The following PIR variants were observed in gnomAD, a reference collection of about 807,000 sequenced individuals.
PIR encodes the protein pirin (iron-binding nuclear protein).
Under a neutral mutation model 24.2 loss-of-function variants are expected in PIR, and 22 were observed. The ratio of observed to expected loss-of-function variants is 0.91; its 90% confidence interval spans 0.65 to 1.30. The LOEUF (loss-of-function observed/expected upper bound fraction) is 1.30, where lower values mean the gene tolerates loss of function less well. Ranked by LOEUF, PIR falls within the 50% of genes most tolerant of loss-of-function variation. The pLI is 0.00. For missense variants in PIR, 220 were observed against 220.3 expected, an observed-to-expected ratio of 1.00 and a Z score of 0.01; for synonymous variants, 80 against 79.6, an observed-to-expected ratio of 1.00 and a Z score of -0.03.
At chrX:15,420,084 G>A (rs1925075481) in intron 6 of PIR, among the ~76,000 whole-genome samples, 1 of 101,823 alleles carries the variant, frequency 9.8e-6, no homozygotes, top group Non-Finnish European at 2.0e-5. Context: ...GTAGTCTCAG[G>A]TACTCGGGAG....
In PIR at chrX:15,411,274, A is replaced by G. The variant is rs184665224; in HGVS notation, c.566-3724T>C. Among the ~76,000 whole-genome samples the G allele has an allele frequency of 8.1e-3, 900 of 111,574 alleles. 4 individuals are homozygous for G. The highest frequency in any genetic ancestry group is 0.014 in the Non-Finnish European group (736 of 53,051). Reference sequence around the variant, plus strand: ...ACAGTTAAGTCAGCAACGCATTTTAAGTCAGACCTCCTTTAGCCAAACATT... The same window carrying G: ...ACAGTTAAGTCAGCAACGCATTTTAGGTCAGACCTCCTTTAGCCAAACATT... On this transcript the variant is annotated intron_variant, in intron 6 of 9. Coordinates refer to ENST00000380420, the MANE Select transcript of PIR (RefSeq NM_001018109.3).
intron 5 of PIR, 46 bp from the exon 6 acceptor site, chrX:15,426,036 G>GT (rs779692852): frequency 3.2e-5 from 27 of 848,434 alleles, no homozygotes; most frequent in Non-Finnish European, 4.2e-5. Context: ...TAAGAATAAG[G>GT]TTCTTCTTTC....
At chrX:15,385,190 T>C (rs1325519861) in intron 9 of PIR, 74 bp from the exon 10 acceptor site, 1 of 490,732 alleles carries the variant, frequency 2.0e-6, no homozygotes, top group Non-Finnish European at 3.4e-6. Context: ...GATATATATT[T>C]CTGTAGTTCT....
At chrX:15,426,830 C>T (rs1925332652) in intron 5 of PIR, among the ~76,000 whole-genome samples, 1 of 111,712 alleles carries the variant, frequency 9.0e-6, no homozygotes, top group South Asian at 3.8e-4. Flanking sequence ...AGCTGCTTGG[C>T]CATGTGTAGC....
intron 6 of PIR, among the ~76,000 whole-genome samples, chrX:15,414,861 T>C (rs1924863049): frequency 9.0e-6 from 1 of 111,583 alleles, no homozygotes; most frequent in African/African-American, 3.3e-5. Context: ...AATACACCCC[T>C]GCCAAAATTG....
intron 3 of PIR, among the ~76,000 whole-genome samples, chrX:15,471,095 T>A (rs1921889954): frequency 8.9e-6 from 1 of 112,293 alleles, no homozygotes; most frequent in African/African-American, 3.2e-5. Context: ...CTCCCTCATG[T>A]GACCTACGCT....
intron 4 of PIR, among the ~76,000 whole-genome samples, chrX:15,458,161 T>C (rs746196004): frequency 1.6e-3 from 180 of 112,202 alleles, no homozygotes; most frequent in African/African-American, 5.6e-3. Flanking sequence ...TTGGTTATCC[T>C]TTTTAGATAT....
chrX:15,471,316 C>A (rs1189248054), intron 3 of PIR, among the ~76,000 whole-genome samples: 1 of 111,977 alleles, frequency 8.9e-6, no homozygotes, highest in African/African-American at 3.3e-5. Context: ...CCCAGATGGA[C>A]AAATCACCTC....
chrX:15,471,402 G>A (rs1159815516), intron 3 of PIR, among the ~76,000 whole-genome samples: 1 of 111,939 alleles, frequency 8.9e-6, no homozygotes, highest in African/African-American at 3.3e-5. Context: ...TTATTTTAAC[G>A]TGATTGTGTT....
intron 4 of PIR, among the ~76,000 whole-genome samples, chrX:15,459,227 G>A (rs1226211210): frequency 4.5e-5 from 5 of 111,961 alleles, no homozygotes; most frequent in Non-Finnish European, 9.4e-5. Context: ...ATGCAGCAGA[G>A]AGGTCTAGAA....
chrX:15,475,649 C>T (rs956386653), intron 3 of PIR, among the ~76,000 whole-genome samples: 2 of 112,102 alleles, frequency 1.8e-5, no homozygotes, highest in African/African-American at 6.5e-5. Context: ...CCTCCTTTTT[C>T]GAGCTAAACT....
In PIR at chrX:15,385,008, T is replaced by A; in HGVS notation, c.869A>T (p.Asn290Ile). The A allele has an allele frequency of 8.9e-7, 1 of 1,124,095 alleles. No homozygotes were observed. Among genetic ancestry groups the A allele is most frequent in the Non-Finnish European group, 1.2e-6 (1 of 816,323 alleles). 92.6% of individuals were successfully genotyped at this position (1,124,095 alleles called of 1,213,427 possible). A position where few individuals can be genotyped will look rare whatever the true frequency, so the allele number is the denominator to read the frequency against. The change falls in exon 10 of 10, where the codon AAC (asparagine) becomes ATC (isoleucine). Residue 290 changes from asparagine (N) to isoleucine (I), a missense_variant. Transcript: ENST00000380420. ...GACCTGCTCTTCCGCTTTCCACTAG[T>A]TCCCAATCTTTGATTTCCAGGTTTT... ...RAKTWKSKIG[N>I]
intron 7 of PIR, among the ~76,000 whole-genome samples, chrX:15,399,672 T>C (rs1211960382): frequency 1.8e-5 from 2 of 112,245 alleles, no homozygotes; most frequent in Non-Finnish European, 3.8e-5. Context: ...TATTTTCATA[T>C]CACATTATGG....
chrX:15,492,368 A>G (rs1923209740), intron 1 of PIR, among the ~76,000 whole-genome samples: 1 of 111,578 alleles, frequency 9.0e-6, no homozygotes, highest in African/African-American at 3.3e-5. Flanking sequence ...GGACTTACCT[A>G]TAGCCAGAGT....
chrX:15,399,484 A>AG (rs1056232265), intron 7 of PIR, among the ~76,000 whole-genome samples: 1 of 111,602 alleles, frequency 9.0e-6, no homozygotes, highest in South Asian at 3.7e-4. Context: ...TGTCCTCCCA[A>AG]GGGGGGTCTA....
At chrX:15,415,408 G>A (rs1223101095) in intron 6 of PIR, among the ~76,000 whole-genome samples, 4 of 111,426 alleles carry the variant, frequency 3.6e-5, no homozygotes, top group Non-Finnish European at 7.5e-5. Context: ...AATGTTCATG[G>A]CATTCTCCAT....
chrX:15,437,625 C>A (rs780448128), intron 5 of PIR, among the ~76,000 whole-genome samples: 1 of 112,091 alleles, frequency 8.9e-6, no homozygotes, highest in African/African-American at 3.2e-5. Flanking sequence ...CCAAAATGAA[C>A]AAAATTTTAG....
intron 8 of PIR, among the ~76,000 whole-genome samples, chrX:15,393,228 A>G (rs1032869144): frequency 8.9e-6 from 1 of 112,011 alleles, no homozygotes; most frequent in Admixed American, 9.5e-5. Context: ...GGTTTACTTA[A>G]TAATTTACTT....
chrX:15,477,879 C>G (rs5935985), intron 3 of PIR, among the ~76,000 whole-genome samples: 47,354 of 110,053 alleles, frequency 0.43, 7,357 homozygotes, highest in East Asian at 0.46. Context: ...TGAATTTTAG[C>G]AAGTAAATGA....
Sources: gnomAD v4.1 joint callset for allele counts (sites outside exome capture counted in the v4.1 genomes callset) on GRCh38, gnomAD v4.1.1 for gene constraint, MANE v1.5 for transcripts, NCBI Gene and HGNC (gene_info 2026-07-23, HGNC 2026-07-21) for gene names.